SNTB1: variants seen among roughly 807,000 people sequenced by gnomAD.
SNTB1 encodes the protein beta-1-syntrophin.
A neutral mutation model predicts 48.9 loss-of-function variants in SNTB1; 36 were observed. The observed-to-expected ratio is 0.74, with a 90% confidence interval of 0.56 to 0.97. The LOEUF is 0.97. Ranked by LOEUF, SNTB1 falls within the 50% of genes least tolerant of loss-of-function variation. The pLI, the probability that SNTB1 is intolerant of heterozygous loss-of-function variation, is 0.00. For missense variants in SNTB1, 786 were observed against 703.4 expected, an observed-to-expected ratio of 1.12 and a Z score of -1.33; for synonymous variants, 299 against 294.6, an observed-to-expected ratio of 1.01 and a Z score of -0.15.
chr8:120,592,645 G>A (rs1816260613), intron 3 of SNTB1, among the ~76,000 whole-genome samples: 1 of 152,162 alleles, frequency 6.6e-6, no homozygotes, highest in South Asian at 2.1e-4. Flanking sequence ...AAGTAGACAA[G>A]CTTTCCCTCA....
intron 4 of SNTB1, among the ~76,000 whole-genome samples, chr8:120,567,621 A>G (rs1815775252): frequency 2.6e-5 from 4 of 151,824 alleles, no homozygotes; most frequent in Admixed American, 2.6e-4. Context: ...CGGATCCTCC[A>G]TGTTGCCCAG....
intron 3 of SNTB1, among the ~76,000 whole-genome samples, chr8:120,606,033 C>T (rs1354189082): frequency 6.6e-6 from 1 of 152,038 alleles, no homozygotes; most frequent in African/African-American, 2.4e-5. Flanking sequence ...GCACAAACTG[C>T]ACAGTCTTGC....
At chr8:120,639,719 T>C (rs1587053761) in intron 2 of SNTB1, among the ~76,000 whole-genome samples, 1 of 152,202 alleles carries the variant, frequency 6.6e-6, no homozygotes, top group East Asian at 1.9e-4. Flanking sequence ...GAGGGCTCTG[T>C]TCTGTTCCAT....
chr8:120,629,079 A>C (rs1816936719), intron 3 of SNTB1, among the ~76,000 whole-genome samples: 3 of 152,158 alleles, frequency 2.0e-5, no homozygotes, highest in Admixed American at 1.3e-4. Context: ...TTCACTTTAG[A>C]TCAGTCTCTG....
chr8:120,619,310 T>C (rs4870738), intron 3 of SNTB1, among the ~76,000 whole-genome samples: 13 of 146,866 alleles, frequency 8.9e-5, no homozygotes, highest in Non-Finnish European at 1.8e-4. Flanking sequence ...TATATATATA[T>C]AGAGAGAGAG....
chr8:120,717,900 C>T (rs73706739), intron 1 of SNTB1, among the ~76,000 whole-genome samples: 9,832 of 152,272 alleles, frequency 0.065, 792 homozygotes, highest in East Asian at 0.41. Context: ...AGTAGTGCCA[C>T]GGACAGGCTT....
At chr8:120,668,629 C>T (rs1168013327) in intron 2 of SNTB1, among the ~76,000 whole-genome samples, 1 of 152,132 alleles carries the variant, frequency 6.6e-6, no homozygotes, top group Non-Finnish European at 1.5e-5. Flanking sequence ...CTCTATATTC[C>T]TGGCATCAGT....
At chr8:120,740,680 C>G (rs1819026665) in intron 1 of SNTB1, among the ~76,000 whole-genome samples, 1 of 152,098 alleles carries the variant, frequency 6.6e-6, no homozygotes, top group Non-Finnish European at 1.5e-5. Context: ...AATGGAAAAA[C>G]TGATTTAGAC....
In SNTB1 at chr8:120,541,938, T is replaced by A. The variant is rs1360777804; in HGVS notation, c.1396A>T (p.Thr466Ser). The A allele has an allele frequency of 6.2e-7, 1 of 1,613,998 alleles. No homozygotes were observed. Among genetic ancestry groups the A allele is most frequent in the South Asian group, 1.1e-5 (1 of 91,074 alleles). ...TIHYENGFSITTEPQEGAFPK... is the reference protein window; with the variant it reads ...TIHYENGFSISTEPQEGAFPK... ...AAGGCACCCTCCTGTGGTTCAGTGGTAATAGAAAATCCATTCTCATAATGT... is the reference window on the plus strand; with the variant it reads ...AAGGCACCCTCCTGTGGTTCAGTGGAAATAGAAAATCCATTCTCATAATGT... Residue 466 changes from threonine (T) to serine (S), a missense_variant, in exon 6 of 7, where the codon ACC becomes TCC. Transcript: ENST00000517992.
chr8:120,801,517 CT>C (rs757957230), intron 1 of SNTB1, among the ~76,000 whole-genome samples: 3 of 151,976 alleles, frequency 2.0e-5, no homozygotes, highest in Non-Finnish European at 2.9e-5. Context: ...AATTTCATTC[CT>C]GTAATGGAAT....
chr8:120,727,606 GT>G (rs1157657548), intron 1 of SNTB1, among the ~76,000 whole-genome samples: 1 of 152,166 alleles, frequency 6.6e-6, no homozygotes, highest in Non-Finnish European at 1.5e-5. Flanking sequence ...ACCACCAGGT[GT>G]TTTTTCATCA....
intron 1 of SNTB1, among the ~76,000 whole-genome samples, chr8:120,774,341 GC>G (rs1446345324): frequency 1.3e-5 from 2 of 152,248 alleles, no homozygotes; most frequent in Non-Finnish European, 2.9e-5. Context: ...TCACTGAGCT[GC>G]AGCCAGGGCC....
At chr8:120,602,637 C>T (rs1816438978) in intron 3 of SNTB1, among the ~76,000 whole-genome samples, 1 of 152,202 alleles carries the variant, frequency 6.6e-6, no homozygotes, top group African/African-American at 2.4e-5. Flanking sequence ...TTCTATGTAT[C>T]TATCTAGATC....
chr8:120,615,671 T>A (rs1399994881), intron 3 of SNTB1, among the ~76,000 whole-genome samples: 2 of 152,174 alleles, frequency 1.3e-5, no homozygotes, highest in African/African-American at 2.4e-5. Flanking sequence ...AGCCTCAAGG[T>A]CAGAGCTGAA....
At chr8:120,769,444 G>C (rs1819581358) in intron 1 of SNTB1, 5 of 152,116 alleles carry the variant, frequency 3.3e-5, no homozygotes, top group Admixed American at 2.0e-4. Flanking sequence ...GACCAGTGGA[G>C]CACATGGCAG....
At chr8:120,609,049 G>T (rs375986586) in intron 3 of SNTB1, among the ~76,000 whole-genome samples, 4 of 152,192 alleles carry the variant, frequency 2.6e-5, no homozygotes, top group South Asian at 2.1e-4. Context: ...ATGAATTAGA[G>T]ATATTAGTTC....
At chr8:120,738,545 TTTCCTTCCTTCCTTCCTTCC>T (rs201478933) in intron 1 of SNTB1, among the ~76,000 whole-genome samples, 2 of 135,824 alleles carry the variant, frequency 1.5e-5, no homozygotes, top group South Asian at 2.6e-4. Flanking sequence ...TCCTTCCTTC[TTTCCTTCCTTCCTTCCTTCC>T]TTCCTTCCTT....
rs1820441951 is a variant in SNTB1 at position 120,811,803 on chromosome 8, C to G, written c.41G>C (p.Gly14Ala). The stretch of plus-strand genomic sequence containing the variant: ...CCGCTGCGCCCGGCCGCCTCCCGCG[C>G]CAGCCGGCCCAGCCGCCGCCGCCGC... Reference protein sequence around the residue: ...AAAAAAAGPAGAGGGRAQRSG... With the variant: ...AAAAAAAGPAAAGGGRAQRSG... The change falls in exon 1 of 7, where the codon GGC becomes GCC. Residue 14 changes from glycine (G) to alanine (A), a missense_variant. Gly to Ala is a moderately conservative substitution (Grantham distance 60). Transcript: ENST00000517992. 1.5e-6 allele frequency: 2 copies of G among 1,370,558 alleles called. No homozygotes were observed. Among genetic ancestry groups the G allele is most frequent in the Non-Finnish European group, 1.9e-6 (2 of 1,065,864 alleles). The allele number at this position is 1,370,558 out of a possible 1,614,324, so 84.9% of individuals were successfully genotyped here.
At chr8:120,766,184 T>A (rs1272468691) in intron 1 of SNTB1, among the ~76,000 whole-genome samples, 2 of 152,172 alleles carry the variant, frequency 1.3e-5, no homozygotes, top group Non-Finnish European at 2.9e-5. Flanking sequence ...GAGAACAGGA[T>A]ACATCTCTCC....
Sources: allele counts gnomAD v4.1 joint callset (sites outside exome capture counted in the v4.1 genomes callset), GRCh38; gene constraint gnomAD v4.1.1; transcripts MANE v1.5; gene names NCBI Gene and HGNC (gene_info 2026-07-23, HGNC 2026-07-21).